RNF38: variants seen among roughly 807,000 people sequenced by gnomAD.
RNF38 encodes ring finger protein 38.
RNF38 carries 15 observed loss-of-function variants against 67.2 expected under a neutral mutation model. The observed-to-expected ratio is 0.22, with a 90% CI of 0.15 to 0.34. RNF38 has a LOEUF of 0.34. Ranked by LOEUF, RNF38 falls within the 10% of genes least tolerant of loss-of-function variation. RNF38 has a pLI of 1.00. For synonymous variants in RNF38, 220 were observed against 218.8 expected, an observed-to-expected ratio of 1.01 and a Z score of -0.05; for missense variants, 524 against 639.9, an observed-to-expected ratio of 0.82 and a Z score of 1.95.
chr9:36,452,673 T>C (rs1053072416), intron 1 of RNF38, among the ~76,000 whole-genome samples: 1 of 151,848 alleles, frequency 6.6e-6, no homozygotes, highest in Non-Finnish European at 1.5e-5. Flanking sequence ...GCTGGGACTA[T>C]AGGTGTGCGC....
chr9:36,339,906 T>C (rs1832718145), intron 11 of RNF38, 92 bp from the exon 12 acceptor site: 2 of 1,107,240 alleles, frequency 1.8e-6, no homozygotes, highest in African/African-American at 1.6e-5. Context: ...CCCACAGTTT[T>C]TACATTCTTT....
chr9:36,370,620 G>T (rs1259017479), intron 3 of RNF38, among the ~76,000 whole-genome samples: 1 of 152,090 alleles, frequency 6.6e-6, no homozygotes, highest in African/African-American at 2.4e-5. Context: ...GAATTTGCTT[G>T]TTGGGCCAGG....
chr9:36,477,695 C>A (rs111335602), intron 1 of RNF38, among the ~76,000 whole-genome samples: 12 of 151,342 alleles, frequency 7.9e-5, no homozygotes, highest in Non-Finnish European at 1.3e-4. Context: ...TGGTGGGGGG[C>A]GCCTGTAGTC....
At chr9:36,396,457 C>A (rs1278473328) in intron 1 of RNF38, among the ~76,000 whole-genome samples, 1 of 152,082 alleles carries the variant, frequency 6.6e-6, no homozygotes, top group Non-Finnish European at 1.5e-5. Context: ...CTAAATGTCA[C>A]CTTTCCTTTG....
At chr9:36,424,569 T>C (rs924588971) in intron 2 of RNF38, 2 of 853,480 alleles carry the variant, frequency 2.3e-6, no homozygotes, top group African/African-American at 3.7e-5. Context: ...CAACGTAAGG[T>C]TGGCATGCAT....
At chr9:36,342,802 T>C (rs1346585508) in intron 10 of RNF38, among the ~76,000 whole-genome samples, 1 of 152,172 alleles carries the variant, frequency 6.6e-6, no homozygotes, top group Non-Finnish European at 1.5e-5. Context: ...TCTATTAACC[T>C]CTTAGAAGAA....
intron 1 of RNF38, among the ~76,000 whole-genome samples, chr9:36,451,489 T>C (rs1839439395): frequency 8.2e-6 from 1 of 122,024 alleles, no homozygotes; most frequent in Admixed American, 8.7e-5. Flanking sequence ...AAAATTGTAG[T>C]AGTTTTTTTT....
intron 2 of RNF38, among the ~76,000 whole-genome samples, chr9:36,409,345 GA>G (rs1189702791): frequency 6.6e-6 from 1 of 151,760 alleles, no homozygotes; most frequent in Admixed American, 6.6e-5. Flanking sequence ...AAGAAAGAAA[GA>G]AAAAAAGAAA....
chr9:36,387,619 G>A (rs1299968316), intron 2 of RNF38, among the ~76,000 whole-genome samples: 14 of 152,060 alleles, frequency 9.2e-5, no homozygotes, highest in Admixed American at 9.2e-4. Flanking sequence ...AAACCTATAT[G>A]CTAAAAAAGT....
intron 6 of RNF38, among the ~76,000 whole-genome samples, chr9:36,354,705 T>C (rs1204568628): frequency 2.6e-5 from 4 of 152,244 alleles, no homozygotes; most frequent in African/African-American, 7.2e-5. Context: ...TCTTTGACTA[T>C]TAGGAATAGT....
intron 1 of RNF38, among the ~76,000 whole-genome samples, chr9:36,452,682 G>A (rs180920475): frequency 1.1e-4 from 17 of 152,094 alleles, no homozygotes; most frequent in Admixed American, 7.9e-4. Context: ...ATAGGTGTGC[G>A]CCACCATGCC....
intron 1 of RNF38, among the ~76,000 whole-genome samples, chr9:36,460,524 T>A (rs1375184365): frequency 6.6e-6 from 1 of 152,016 alleles, no homozygotes; most frequent in East Asian, 1.9e-4. Flanking sequence ...GAAACAGACT[T>A]TTCCTAGTCC....
chr9:36,381,272 C>T (rs1173062185), intron 2 of RNF38, among the ~76,000 whole-genome samples: 3 of 152,044 alleles, frequency 2.0e-5, no homozygotes, highest in African/African-American at 4.8e-5. Flanking sequence ...CTTTTGTAAA[C>T]TAAAAATAAA....
At chr9:36,446,858 T>C (rs1353519256) in intron 1 of RNF38, among the ~76,000 whole-genome samples, 6 of 126,636 alleles carry the variant, frequency 4.7e-5, no homozygotes, top group Admixed American at 3.5e-4. Flanking sequence ...TGGTGGCTCA[T>C]GCTTGTAATC....
intron 2 of RNF38, among the ~76,000 whole-genome samples, chr9:36,381,353 T>A (rs1382935656): frequency 6.6e-6 from 1 of 152,184 alleles, no homozygotes; most frequent in Non-Finnish European, 1.5e-5. Flanking sequence ...AAAATTGAGT[T>A]CTTGGCCTGG....
intron 1 of RNF38, among the ~76,000 whole-genome samples, chr9:36,399,473 A>G (rs1414870738): frequency 8.7e-6 from 1 of 115,498 alleles, no homozygotes; most frequent in Non-Finnish European, 1.8e-5. Context: ...GGTGAAATAT[A>G]CCATATTATA....
At chr9:36,459,145 T>C (rs1478309007) in intron 1 of RNF38, among the ~76,000 whole-genome samples, 5 of 148,870 alleles carry the variant, frequency 3.4e-5, no homozygotes, top group East Asian at 2.0e-4. Context: ...GAGGTGGAGG[T>C]TGCAGTGAGC....
intron 2 of RNF38, among the ~76,000 whole-genome samples, chr9:36,388,286 A>T (rs578232975): frequency 6.6e-6 from 1 of 152,156 alleles, no homozygotes; most frequent in Admixed American, 6.6e-5. Flanking sequence ...CATTTTCTAA[A>T]TTGCATATAT....
chr9:36,480,430 A>G (rs755158779), intron 1 of RNF38, among the ~76,000 whole-genome samples: 16 of 152,144 alleles, frequency 1.1e-4, no homozygotes, highest in African/African-American at 7.2e-5. Flanking sequence ...ACTAAAATCC[A>G]AGGTGCAGAA....
Sources: allele counts gnomAD v4.1 joint callset (sites outside exome capture counted in the v4.1 genomes callset), GRCh38; gene constraint gnomAD v4.1.1; transcripts MANE v1.5; gene names NCBI Gene and HGNC (gene_info 2026-07-23, HGNC 2026-07-21).